VRK2: variants seen among roughly 807,000 people sequenced by gnomAD.
The protein encoded by VRK2 is serine/threonine-protein kinase VRK2.
VRK2 carries 60 observed loss-of-function variants against 57.6 expected under a neutral mutation model. The ratio of observed to expected loss-of-function variants is 1.04; its 90% CI spans 0.85 to 1.29. VRK2 has a LOEUF of 1.29. Ranked by LOEUF, VRK2 falls within the 50% of genes most tolerant of loss-of-function variation. VRK2 has a pLI of 0.00. For synonymous variants in VRK2, 231 were observed against 199.2 expected (o/e 1.16, Z -1.35); for missense variants, 705 against 588.1 (o/e 1.20, Z -2.06).
intron 1 of VRK2, among the ~76,000 whole-genome samples, chr2:58,019,434 G>C (rs1673682615): frequency 6.6e-6 from 1 of 152,110 alleles, no homozygotes; most frequent in South Asian, 2.1e-4. Flanking sequence ...TAGCAAATGA[G>C]ATATAGACAA....
At chr2:58,135,568 A>C (rs1355191389) in intron 10 of VRK2, among the ~76,000 whole-genome samples, 4 of 152,070 alleles carry the variant, frequency 2.6e-5, no homozygotes, top group African/African-American at 9.7e-5. Flanking sequence ...AAAGAAGATA[A>C]AGTTGACCTA....
intron 2 of VRK2, among the ~76,000 whole-genome samples, chr2:58,083,268 G>GTGAACAAA (rs1268256367): frequency 2.0e-5 from 3 of 151,758 alleles, no homozygotes; most frequent in Non-Finnish European, 4.4e-5. Flanking sequence ...TGGATGGAGA[G>GTGAACAAA]TGAACAAATG....
At chr2:58,144,558 T>C (rs1165004217) in intron 11 of VRK2, among the ~76,000 whole-genome samples, 1 of 152,020 alleles carries the variant, frequency 6.6e-6, no homozygotes, top group Non-Finnish European at 1.5e-5. Flanking sequence ...TCTCACCCTT[T>C]ATAACATGGA....
intron 3 of VRK2, among the ~76,000 whole-genome samples, chr2:58,034,228 C>A (rs1218024805): frequency 6.6e-6 from 1 of 152,004 alleles, no homozygotes; most frequent in Non-Finnish European, 1.5e-5. Context: ...ATGGTCTGTT[C>A]TTTGCCTACC....
intron 1 of VRK2, among the ~76,000 whole-genome samples, chr2:57,937,018 C>A (rs1442582225): frequency 6.6e-6 from 1 of 152,176 alleles, no homozygotes; most frequent in Non-Finnish European, 1.5e-5. Context: ...CTAGTTCTTT[C>A]TTCCAGGCAA....
chr2:57,927,261 A>G (rs1572869709), intron 1 of VRK2, among the ~76,000 whole-genome samples: 1 of 147,066 alleles, frequency 6.8e-6, no homozygotes, highest in Non-Finnish European at 1.5e-5. Context: ...ATTATTTTTG[A>G]TCTTTTCATA....
intron 1 of VRK2, among the ~76,000 whole-genome samples, chr2:57,917,490 T>G (rs1028640436): frequency 6.6e-6 from 1 of 150,574 alleles, no homozygotes; most frequent in African/African-American, 2.4e-5. Flanking sequence ...TCATTATGCA[T>G]GTGAGAGCAG....
intron 1 of VRK2, among the ~76,000 whole-genome samples, chr2:57,952,872 G>A (rs1671471024): frequency 6.6e-6 from 1 of 152,144 alleles, no homozygotes; most frequent in South Asian, 2.1e-4. Flanking sequence ...GGATTTGACT[G>A]TGGATGTGCC....
At chr2:58,026,640 G>T (rs912029730) in intron 2 of VRK2, 1 of 152,076 alleles carries the variant, frequency 6.6e-6, no homozygotes, top group African/African-American at 2.4e-5. Context: ...TTTCTCATAG[G>T]CTGGCATCGA....
chr2:58,148,551 GTCGT>G (rs2104665161), intron 12 of VRK2, among the ~76,000 whole-genome samples: 1 of 151,446 alleles, frequency 6.6e-6, no homozygotes, highest in South Asian at 2.1e-4. Context: ...TAGTTTTTTT[GTCGT>G]TTGTTTGTTT....
intron 11 of VRK2, among the ~76,000 whole-genome samples, chr2:58,141,501 G>C (rs1681329322): frequency 6.6e-6 from 1 of 151,832 alleles, no homozygotes; most frequent in African/African-American, 2.4e-5. Context: ...AGTAAAAAAA[G>C]CACTTAAAAA....
intron 1 of VRK2, among the ~76,000 whole-genome samples, chr2:57,964,130 A>G (rs1380156181): frequency 1.3e-5 from 2 of 152,130 alleles, no homozygotes; most frequent in Non-Finnish European, 2.9e-5. Flanking sequence ...AAATCCACAT[A>G]TACCTTTTGA....
At chr2:58,081,210 A>G (rs1051191863) in intron 2 of VRK2, among the ~76,000 whole-genome samples, 1 of 152,012 alleles carries the variant, frequency 6.6e-6, no homozygotes, top group Non-Finnish European at 1.5e-5. Flanking sequence ...ATGTAATACT[A>G]TCAGCTATGT....
intron 1 of VRK2, among the ~76,000 whole-genome samples, chr2:57,957,717 T>C (rs1237903408): frequency 6.6e-6 from 1 of 151,192 alleles, no homozygotes; most frequent in Non-Finnish European, 1.5e-5. Flanking sequence ...ACTGAAATAG[T>C]GAATTTAGCT....
chr2:58,045,925 T>C (rs1040354098), upstream of VRK2, among the ~76,000 whole-genome samples: 4 of 152,134 alleles, frequency 2.6e-5, no homozygotes, highest in African/African-American at 4.8e-5. Flanking sequence ...CTCACTGCAA[T>C]CTCTGCTTCC....
Position 58,156,746 on chromosome 2 carries a change from C to G in VRK2, c.1183-2603C>G, listed in dbSNP as rs1360588526. On this transcript the variant is annotated intron_variant, in intron 12 of 12. Transcript: ENST00000340157. ...TGTTGAGATTCCACCTCCCCCATAT[C>G]TGTTCATTAATTATGTTCAACTTTA... Among the ~76,000 whole-genome samples the G allele has an allele frequency of 2.0e-5, 3 of 152,122 alleles. No individual in the cohort carries two copies. The South Asian group carries it at 6.2e-4, about 31-fold the overall frequency.
chr2:58,123,794 G>A (rs1216429639), intron 8 of VRK2, among the ~76,000 whole-genome samples: 1 of 151,772 alleles, frequency 6.6e-6, no homozygotes, highest in African/African-American at 2.4e-5. Flanking sequence ...GGTTGAGGCT[G>A]CAGTGAGCCA....
intron 1 of VRK2, among the ~76,000 whole-genome samples, chr2:58,014,799 A>G (rs1673525209): frequency 1.3e-5 from 2 of 152,186 alleles, no homozygotes; most frequent in African/African-American, 2.4e-5. Context: ...AAAAAGAGAC[A>G]CATTAAAGGT....
At chr2:58,129,275 TGCA>T (rs1348856111) in intron 8 of VRK2, among the ~76,000 whole-genome samples, 1 of 152,174 alleles carries the variant, frequency 6.6e-6, no homozygotes, top group Non-Finnish European at 1.5e-5. Flanking sequence ...CAATAAATTG[TGCA>T]AATACATGAC....
Sources: gnomAD v4.1 joint callset for allele counts (sites outside exome capture counted in the v4.1 genomes callset) on GRCh38, gnomAD v4.1.1 for gene constraint, MANE v1.5 for transcripts, NCBI Gene and HGNC (gene_info 2026-07-23, HGNC 2026-07-21) for gene names.